Variants in ESR2 observed in about 807,000 individuals in gnomAD.
ESR2 encodes estrogen receptor beta.
A neutral mutation model predicts 49.6 loss-of-function variants in ESR2; 36 were observed. The observed-to-expected ratio is 0.73, with a 90% CI of 0.56 to 0.96. ESR2 has a LOEUF of 0.96. ESR2 is among the 40% of genes least tolerant of loss of function. The pLI is 0.00. For missense variants in ESR2, 714 were observed against 693.0 expected (o/e 1.03, Z -0.34); for synonymous variants, 320 against 266.1 (o/e 1.20, Z -1.97).
chr14:64,320,699 C>G (rs972354602), intron 1 of ESR2, among the ~76,000 whole-genome samples: 3 of 152,022 alleles, frequency 2.0e-5, no homozygotes, highest in African/African-American at 7.3e-5. Flanking sequence ...TCAAGACCAG[C>G]CTGACCAACA....
chr14:64,262,656 G>A (rs1234985312), intron 4 of ESR2, among the ~76,000 whole-genome samples: 2 of 151,546 alleles, frequency 1.3e-5, no homozygotes, highest in African/African-American at 4.8e-5. Context: ...GAGGCCAAAG[G>A]TGGTTTCGGC....
chr14:64,285,523 C>G (rs2076769292), intron 1 of ESR2, among the ~76,000 whole-genome samples: 1 of 152,030 alleles, frequency 6.6e-6, no homozygotes, highest in Non-Finnish European at 1.5e-5. Flanking sequence ...AACCCTTCTT[C>G]AAAATGATAG....
chr14:64,276,631 A>AT (rs1242593744), intron 3 of ESR2, among the ~76,000 whole-genome samples: 4 of 152,148 alleles, frequency 2.6e-5, no homozygotes, highest in Non-Finnish European at 5.9e-5. Flanking sequence ...AGAGAAACTT[A>AT]TTTTTTTCAA....
At chr14:64,284,100 G>T (rs961506169) in intron 1 of ESR2, among the ~76,000 whole-genome samples, 3 of 151,762 alleles carry the variant, frequency 2.0e-5, no homozygotes, top group African/African-American at 7.3e-5. Context: ...CTAATTTGTT[G>T]TATTTTTTAG....
Position 64,234,836 on chromosome 14 carries a change from C to A in ESR2, c.1406+134G>T, listed in dbSNP as rs575039123. The A allele has an allele frequency of 1.5e-4, 226 of 1,474,606 alleles. 1 individual carries two copies. The Middle Eastern group carries it at 2.0e-3, about 13-fold the overall frequency. 91.3% of individuals were successfully genotyped at this position (1,474,606 alleles called of 1,614,324 possible). The stretch of plus-strand genomic sequence containing the variant: ...CCATCTTTGCTTACAGGTGTGTGAA[C>A]TGACAAATTCCCCATTCCCTTTCAG... On this transcript the variant is annotated intron_variant, in intron 8 of 8. Transcript: ENST00000341099.
chr14:64,246,850 G>A (rs372787314), intron 7 of ESR2, among the ~76,000 whole-genome samples: 13 of 150,468 alleles, frequency 8.6e-5, no homozygotes, highest in South Asian at 6.3e-4. Context: ...TGTAAAAGGT[G>A]AATGGTAACA....
At chr14:64,279,109 A>G (rs2076613223) in intron 3 of ESR2, among the ~76,000 whole-genome samples, 1 of 152,240 alleles carries the variant, frequency 6.6e-6, no homozygotes, top group Non-Finnish European at 1.5e-5. Flanking sequence ...CTTTCAATCA[A>G]TTGCCAATCA....
chr14:64,301,250 A>T (rs1238700234), intron 1 of ESR2: 1 of 152,238 alleles, frequency 6.6e-6, no homozygotes, highest in Non-Finnish European at 1.5e-5. Context: ...TGCAAATGAT[A>T]AGTGACAAAT....
chr14:64,260,809 G>T, intron 4 of ESR2, 61 bp from the exon 5 acceptor site: 1 of 1,394,768 alleles, frequency 7.2e-7, no homozygotes, highest in Non-Finnish European at 9.4e-7. Context: ...AGCAAAAGCA[G>T]CTTGACTTTT....
At chr14:64,297,221 GTTAAAA>G (rs1385316162), upstream of ESR2, among the ~76,000 whole-genome samples, 1 of 152,146 alleles carries the variant, frequency 6.6e-6, no homozygotes, top group Non-Finnish European at 1.5e-5. Context: ...GCATTGAATT[GTTAAAA>G]TTAAGTCATG....
intron 1 of ESR2, among the ~76,000 whole-genome samples, chr14:64,326,679 G>A (rs1053029541): frequency 6.6e-6 from 1 of 152,072 alleles, no homozygotes; most frequent in Non-Finnish European, 1.5e-5. Flanking sequence ...CCTACACCTA[G>A]ATCCAAAAAC....
chr14:64,228,370 C>T lies in ESR2; in HGVS notation c.*4767G>A, dbSNP rs1354794369. 2.0e-5 allele frequency among the ~76,000 whole-genome samples: 3 copies of T among 152,146 alleles called. No individual in the cohort carries two copies. Among genetic ancestry groups the T allele is most frequent in the East Asian group, 3.8e-4 (2 of 5,206 alleles). On this transcript the variant is annotated 3_prime_UTR_variant, in exon 9 of 9. Coordinates refer to ENST00000341099, the MANE Select transcript of ESR2 (RefSeq NM_001437.3). ...TATTTATATCATGTTAAACTCTCTACGACAGTGCCATAGACATTAAAGGGA... is the reference window on the plus strand; with the variant it reads ...TATTTATATCATGTTAAACTCTCTATGACAGTGCCATAGACATTAAAGGGA...
At chr14:64,242,852 G>A (rs201458018) in intron 7 of ESR2, among the ~76,000 whole-genome samples, 3 of 139,534 alleles carry the variant, frequency 2.2e-5, no homozygotes, top group Non-Finnish European at 4.7e-5. Flanking sequence ...CAAAAGAAAG[G>A]TTTATTGGAC....
intron 1 of ESR2, among the ~76,000 whole-genome samples, chr14:64,317,034 G>C (rs893442178): frequency 6.6e-6 from 1 of 152,110 alleles, no homozygotes; most frequent in African/African-American, 2.4e-5. Context: ...GGAGGCCAAG[G>C]CAGGCTGATC....
intron 1 of ESR2, among the ~76,000 whole-genome samples, chr14:64,325,500 T>C (rs1473678305): frequency 6.6e-6 from 1 of 152,150 alleles, no homozygotes; most frequent in African/African-American, 2.4e-5. Context: ...GTGAGAGATA[T>C]AGTGAGAAAA....
intron 4 of ESR2, among the ~76,000 whole-genome samples, chr14:64,267,596 G>T (rs1446270393): frequency 6.6e-6 from 1 of 152,044 alleles, no homozygotes; most frequent in Non-Finnish European, 1.5e-5. Flanking sequence ...GTCAGGGAGG[G>T]CTGGGTACAG....
At chr14:64,234,724 G>T in intron 8 of ESR2, 2 of 781,160 alleles carry the variant, frequency 2.6e-6, no homozygotes, top group Non-Finnish European at 3.9e-6. Context: ...ATAAACCCCA[G>T]CAATTGAAAA....
Position 64,249,608 on chromosome 14 carries a change from C to G in ESR2, c.1163G>C (p.Arg388Pro), listed in dbSNP as rs764756707. ...TTCTTTGTGTTGGAGTTTTAACTCT[C>G]GAAACCTTGAAGTAGTTGCCAGGAG... Reference protein sequence around the residue: ...DMLLATTSRFRELKLQHKEYL... With the variant: ...DMLLATTSRFPELKLQHKEYL... Residue 388 changes from arginine (R) to proline (P), a missense_variant, in exon 7 of 9, where the codon CGA becomes CCA. By Grantham distance (103) the Arg-to-Pro change is moderately radical. Coordinates refer to ENST00000341099, the MANE Select transcript of ESR2 (RefSeq NM_001437.3). 1.9e-6 allele frequency: 3 copies of G among 1,613,916 alleles called. No homozygotes were observed. The highest frequency in any genetic ancestry group is 2.5e-6 in the Non-Finnish European group (3 of 1,179,924).
intron 2 of ESR2, 47 bp from the exon 3 acceptor site, chr14:64,280,200 G>A (rs1423808322): frequency 2.8e-6 from 4 of 1,420,122 alleles, no homozygotes; most frequent in Non-Finnish European, 3.8e-6. Flanking sequence ...AAAAGGGAAA[G>A]GAAGGGCTTT....
Sources: gnomAD v4.1 joint callset for allele counts (sites outside exome capture counted in the v4.1 genomes callset) on GRCh38, gnomAD v4.1.1 for gene constraint, MANE v1.5 for transcripts, NCBI Gene and HGNC (gene_info 2026-07-23, HGNC 2026-07-21) for gene names.